PLEKHM3: variants seen among roughly 807,000 people sequenced by gnomAD.
PLEKHM3 encodes the protein pleckstrin homology domain-containing family M member 3.
A neutral mutation model predicts 81.8 loss-of-function variants in PLEKHM3; 45 were observed. That is an observed-to-expected ratio of 0.55 (90% confidence interval 0.43 to 0.71). The LOEUF is 0.71. Among genes scored for constraint, PLEKHM3 ranks in the 30% least tolerant of loss-of-function variants. The pLI is 0.00. For synonymous variants in PLEKHM3, 352 were observed against 356.4 expected, an observed-to-expected ratio of 0.99 and a Z score of 0.14; for missense variants, 788 against 924.3, an observed-to-expected ratio of 0.85 and a Z score of 1.91.
chr2:208,010,838 TA>T (rs1385974093), intron 1 of PLEKHM3, among the ~76,000 whole-genome samples: 1 of 152,216 alleles, frequency 6.6e-6, no homozygotes, highest in African/African-American at 2.4e-5. Context: ...TGTGTTTATC[TA>T]ATTATCTCAC....
intron 6 of PLEKHM3, among the ~76,000 whole-genome samples, chr2:207,875,706 G>A (rs2092556637): frequency 6.6e-6 from 1 of 152,132 alleles, no homozygotes; most frequent in South Asian, 2.1e-4. Context: ...TGTGGGTAGT[G>A]TGCACCTTGT....
At chr2:207,866,902 C>G (rs2092504485) in intron 6 of PLEKHM3, among the ~76,000 whole-genome samples, 1 of 152,142 alleles carries the variant, frequency 6.6e-6, no homozygotes, top group African/African-American at 2.4e-5. Flanking sequence ...GTTTTGTACT[C>G]TTTGCTTTTA....
At chr2:207,893,053 C>A (rs1688108954) in intron 6 of PLEKHM3, among the ~76,000 whole-genome samples, 1 of 152,148 alleles carries the variant, frequency 6.6e-6, no homozygotes, top group South Asian at 2.1e-4. Context: ...GACTTGAATA[C>A]CCTCATGAAC....
intron 4 of PLEKHM3, among the ~76,000 whole-genome samples, chr2:207,939,023 T>C (rs77526038): frequency 0.032 from 4,894 of 152,256 alleles, 231 homozygotes; most frequent in African/African-American, 0.11. Context: ...GCTTTACTAA[T>C]TGGTGTGTAT....
chr2:207,889,326 T>C (rs534237185), intron 6 of PLEKHM3, among the ~76,000 whole-genome samples: 22 of 152,098 alleles, frequency 1.4e-4, no homozygotes, highest in African/African-American at 4.8e-4. Context: ...AAAACCACCT[T>C]AGTGAGGAGG....
chr2:207,973,333 C>A (rs1357462793), intron 3 of PLEKHM3, among the ~76,000 whole-genome samples: 1 of 152,172 alleles, frequency 6.6e-6, no homozygotes, highest in African/African-American at 2.4e-5. Flanking sequence ...GAACAGTCTC[C>A]CAGGTAATTT....
intron 6 of PLEKHM3, among the ~76,000 whole-genome samples, chr2:207,907,032 A>T (rs1053324576): frequency 6.6e-6 from 1 of 152,216 alleles, no homozygotes; most frequent in Non-Finnish European, 1.5e-5. Flanking sequence ...GAAAGTTGTC[A>T]CAATTATTAT....
intron 6 of PLEKHM3, among the ~76,000 whole-genome samples, chr2:207,886,016 C>T (rs1001589968): frequency 6.6e-6 from 1 of 152,076 alleles, no homozygotes; most frequent in Admixed American, 6.5e-5. Flanking sequence ...ATTTTGTCTT[C>T]TAGATCAGTA....
chr2:207,973,528 C>G (rs1048173879), intron 3 of PLEKHM3, among the ~76,000 whole-genome samples: 1 of 152,236 alleles, frequency 6.6e-6, no homozygotes, highest in Non-Finnish European at 1.5e-5. Context: ...CACCTGAGGT[C>G]GGGAGTTTGA....
intron 4 of PLEKHM3, among the ~76,000 whole-genome samples, chr2:207,932,723 C>G (rs1689634308): frequency 6.6e-6 from 1 of 152,168 alleles, no homozygotes; most frequent in African/African-American, 2.4e-5. Context: ...GAAATCAACT[C>G]TCCTGGTGGG....
intron 4 of PLEKHM3, among the ~76,000 whole-genome samples, chr2:207,941,767 G>C (rs1215801111): frequency 6.6e-6 from 1 of 152,132 alleles, no homozygotes; most frequent in Admixed American, 6.5e-5. Flanking sequence ...ACTCAACCCA[G>C]TAGCAACAAA....
chr2:207,975,721 T>C (rs1691285475), intron 3 of PLEKHM3, among the ~76,000 whole-genome samples: 1 of 149,340 alleles, frequency 6.7e-6, no homozygotes, highest in Non-Finnish European at 1.5e-5. Context: ...CTCAGCCTCC[T>C]GAGTAGCTGG....
chr2:207,971,289 T>C (rs757237281), intron 3 of PLEKHM3, among the ~76,000 whole-genome samples: 1 of 152,174 alleles, frequency 6.6e-6, no homozygotes, highest in Non-Finnish European at 1.5e-5. Flanking sequence ...AATAGGTAGG[T>C]ACAAATGTCA....
chr2:207,991,122 C>T (rs1691887946), intron 2 of PLEKHM3, among the ~76,000 whole-genome samples: 1 of 152,218 alleles, frequency 6.6e-6, no homozygotes, highest in Admixed American at 6.5e-5. Flanking sequence ...GAGGGCAAGC[C>T]TTAGCCTCTG....
intron 7 of PLEKHM3, among the ~76,000 whole-genome samples, chr2:207,851,899 G>GTA (rs2092414749): frequency 6.6e-6 from 1 of 152,058 alleles, no homozygotes; most frequent in Non-Finnish European, 1.5e-5. Context: ...AGCTTCACAG[G>GTA]TACCCCTTGC....
intron 4 of PLEKHM3, among the ~76,000 whole-genome samples, chr2:207,942,623 C>T (rs956687280): frequency 1.2e-4 from 18 of 152,126 alleles, no homozygotes; most frequent in African/African-American, 3.4e-4. Context: ...TAAGCCAGCT[C>T]GGCCCGGTGG....
intron 6 of PLEKHM3, chr2:207,900,966 C>A: frequency 2.6e-6 from 1 of 384,480 alleles, no homozygotes; most frequent in South Asian, 6.1e-5. Flanking sequence ...ACAACAACAG[C>A]ACTCAGATGA....
intron 3 of PLEKHM3, among the ~76,000 whole-genome samples, chr2:207,955,127 A>G (rs1183165845): frequency 6.6e-6 from 1 of 152,208 alleles, no homozygotes; most frequent in Admixed American, 6.5e-5. Flanking sequence ...AAGTATAATG[A>G]TCTGTAATAC....
chr2:207,973,508 G>A lies in PLEKHM3; in HGVS notation c.1546+3143C>T, dbSNP rs1057019416. On this transcript the variant is annotated intron_variant, in intron 3 of 7. Coordinates refer to ENST00000427836, the MANE Select transcript of PLEKHM3 (RefSeq NM_001080475.3). The stretch of plus-strand genomic sequence containing the variant: ...AATCCCAGCACTTTGGGAGGCTGAG[G>A]CAAGCGGATCACCTGAGGTCGGGAG... 4.1e-4 allele frequency among the ~76,000 whole-genome samples: 62 copies of A among 152,200 alleles called. 2 individuals are homozygous for A. The highest frequency in any genetic ancestry group is 7.3e-5 in the Non-Finnish European group (5 of 68,032).
Sources: allele counts gnomAD v4.1 joint callset (sites outside exome capture counted in the v4.1 genomes callset), GRCh38; gene constraint gnomAD v4.1.1; transcripts MANE v1.5; gene names NCBI Gene and HGNC (gene_info 2026-07-23, HGNC 2026-07-21).